RASA2: variants seen among roughly 807,000 people sequenced by gnomAD.
The protein encoded by RASA2 is ras GTPase-activating protein 2.
In RASA2, 155 loss-of-function variants were observed where a neutral mutation model predicts 118.2. That is an observed-to-expected ratio of 1.31 (90% CI 1.15 to 1.50). The LOEUF is 1.50. RASA2 is among the 40% of genes most tolerant of loss of function. The pLI, the probability that RASA2 is intolerant of heterozygous loss-of-function variation, is 0.00. For missense variants in RASA2, 1,016 were observed against 1,009.6 expected (o/e 1.01, Z -0.09); for synonymous variants, 353 against 349.1 (o/e 1.01, Z -0.12).
rs376347988 is a variant in RASA2 at position 141,542,917 on chromosome 3, A to G, written c.527+2308A>G. Among the ~76,000 whole-genome samples the G allele has an allele frequency of 1.2e-4, 18 of 152,282 alleles. 2 individuals are homozygous for G. The East Asian group carries it at 1.7e-3, about 15-fold the overall frequency. ...AGATTGGCTTTTTTTACTCAGATCT[A>G]TCTGAATGACTGTGTGTAGTTTTTT... On this transcript the variant is annotated intron_variant, in intron 5 of 23. Transcript: ENST00000286364.
intron 1 of RASA2, among the ~76,000 whole-genome samples, chr3:141,500,729 T>C (rs1174375141): frequency 6.6e-6 from 1 of 152,222 alleles, no homozygotes; most frequent in Non-Finnish European, 1.5e-5. Flanking sequence ...TATTCATACT[T>C]ACATGTATAT....
chr3:141,521,131 G>A (rs2151087976), intron 3 of RASA2, among the ~76,000 whole-genome samples: 1 of 152,324 alleles, frequency 6.6e-6, no homozygotes, highest in East Asian at 1.9e-4. Flanking sequence ...TTGGTTGACA[G>A]TTGGAAATAT....
At chr3:141,601,504 T>C (rs2083463657) in intron 19 of RASA2, among the ~76,000 whole-genome samples, 1 of 139,870 alleles carries the variant, frequency 7.1e-6, no homozygotes, top group Non-Finnish European at 1.7e-5. Flanking sequence ...TGGAAAAATA[T>C]CTTCGAAACC....
At chr3:141,528,467 A>G (rs1402272189) in intron 3 of RASA2, among the ~76,000 whole-genome samples, 1 of 152,036 alleles carries the variant, frequency 6.6e-6, no homozygotes. Context: ...GAATGTGAGT[A>G]GAAAATATGG....
At chr3:141,540,321 G>A (rs1340274151) in intron 4 of RASA2, among the ~76,000 whole-genome samples, 2 of 152,066 alleles carry the variant, frequency 1.3e-5, no homozygotes, top group South Asian at 2.1e-4. Context: ...TCTTAAATTT[G>A]AATACCATGT....
At chr3:141,557,394 A>G (rs1179098823) in intron 7 of RASA2, among the ~76,000 whole-genome samples, 1 of 152,198 alleles carries the variant, frequency 6.6e-6, no homozygotes, top group East Asian at 1.9e-4. Context: ...AGATTGAGGA[A>G]AGAGAGTATT....
intron 23 of RASA2, among the ~76,000 whole-genome samples, chr3:141,610,424 ATTATATATTTATAT>A (rs1338715071): frequency 2.8e-5 from 3 of 105,764 alleles, no homozygotes; most frequent in Non-Finnish European, 5.3e-5. Context: ...ATATTTATAT[ATTATATATTTATAT>A]TTATATATTA....
chr3:141,521,859 G>A (rs969983901), intron 3 of RASA2, among the ~76,000 whole-genome samples: 4 of 148,814 alleles, frequency 2.7e-5, no homozygotes, highest in Admixed American at 2.7e-4. Flanking sequence ...CATTTTTCTA[G>A]TTCAGTATCA....
chr3:141,571,124 T>C, intron 10 of RASA2, 56 bp downstream of exon 10: 1 of 1,498,026 alleles, frequency 6.7e-7, no homozygotes, highest in Non-Finnish European at 9.0e-7. Flanking sequence ...AATAATTCTA[T>C]AAATGATAAG....
intron 6 of RASA2, among the ~76,000 whole-genome samples, chr3:141,554,268 A>G (rs970619464): frequency 6.6e-6 from 1 of 152,172 alleles, no homozygotes; most frequent in African/African-American, 2.4e-5. Context: ...AAATATCCTG[A>G]ATTTTATGCA....
intron 4 of RASA2, among the ~76,000 whole-genome samples, chr3:141,534,910 G>A (rs1444833618): frequency 6.6e-6 from 1 of 152,036 alleles, no homozygotes; most frequent in Non-Finnish European, 1.5e-5. Context: ...TCTGATGGGC[G>A]ATTGTGTCCA....
intron 7 of RASA2, among the ~76,000 whole-genome samples, chr3:141,557,645 C>G (rs1030770903): frequency 2.6e-4 from 40 of 152,050 alleles, no homozygotes; most frequent in African/African-American, 9.4e-4. Flanking sequence ...TAACTATGAT[C>G]TGAGGTCCAG....
chr3:141,545,894 T>C (rs949011672), intron 5 of RASA2, among the ~76,000 whole-genome samples: 2 of 152,202 alleles, frequency 1.3e-5, no homozygotes, highest in Non-Finnish European at 2.9e-5. Context: ...TTTGTTCTAC[T>C]CTCTGTTATC....
chr3:141,574,068 G>A lies in RASA2; in HGVS notation c.1483+1G>A. On this transcript the variant is annotated splice_donor_variant, in intron 14 of 23. Coordinates refer to ENST00000286364, the MANE Select transcript of RASA2 (RefSeq NM_006506.5). LOFTEE classifies it high-confidence loss of function. ...CAGATGGCTACTCAGAGATTTCCTA[G>A]TAAGTGCCTTGTTTTACTAAAACAT... is the stretch of plus-strand genomic sequence containing the variant. The A allele has an allele frequency of 6.8e-7, 1 of 1,464,468 alleles. No individual in the cohort carries two copies. Among genetic ancestry groups the A allele is most frequent in the Non-Finnish European group, 9.1e-7 (1 of 1,098,804 alleles). 90.7% of individuals were successfully genotyped at this position (1,464,468 alleles called of 1,614,324 possible). A position where few individuals can be genotyped will look rare whatever the true frequency, so the allele number is the denominator to read the frequency against.
At chr3:141,537,356 CT>C (rs1245145377) in intron 4 of RASA2, among the ~76,000 whole-genome samples, 1 of 152,232 alleles carries the variant, frequency 6.6e-6, no homozygotes, top group Non-Finnish European at 1.5e-5. Flanking sequence ...TGTGGCTACT[CT>C]GCTACTAAAT....
chr3:141,601,287 C>T (rs2083458870), intron 19 of RASA2, among the ~76,000 whole-genome samples: 1 of 152,048 alleles, frequency 6.6e-6, no homozygotes, highest in South Asian at 2.1e-4. Context: ...ATTAGCTGTG[C>T]ATGGTGGCCC....
In RASA2 at chr3:141,529,704, G is replaced by A. The variant is rs1361023120; in HGVS notation, c.356-4G>A. 1.0e-5 allele frequency: 16 copies of A among 1,600,726 alleles called. No individual in the cohort carries two copies. The highest frequency in any genetic ancestry group is 1.3e-5 in the Non-Finnish European group (15 of 1,169,064). ...TCTTATATTGTTTTACTTATTTTCTGTAGGAAAAGTAGCCATCAAAAAAGA... is the reference window on the plus strand; with the variant it reads ...TCTTATATTGTTTTACTTATTTTCTATAGGAAAAGTAGCCATCAAAAAAGA... On this transcript the variant is annotated splice_region_variant and splice_polypyrimidine_tract_variant and intron_variant, in intron 3 of 23. Transcript: ENST00000286364.
chr3:141,537,409 TTTCA>T (rs566147575), intron 4 of RASA2, among the ~76,000 whole-genome samples: 282 of 152,352 alleles, frequency 1.9e-3, no homozygotes, highest in Non-Finnish European at 3.5e-3. Context: ...AACTTTTTTA[TTTCA>T]TTCATTTTAT....
chr3:141,577,108 T>G lies in RASA2; in HGVS notation c.1590+2T>G. On this transcript the variant is annotated splice_donor_variant, in intron 15 of 23. Transcript: ENST00000286364. LOFTEE classifies it high-confidence loss of function. ...TTTCATTTGCGACCTCATCATCCAG[T>G]AAGTGTTCATTCTTCTGAAAGCTTT... 3 of 1,563,704 alleles carry G rather than the reference T, an allele frequency of 1.9e-6. No individual in the cohort carries two copies. Among genetic ancestry groups the G allele is most frequent in the South Asian group, 2.3e-5 (2 of 86,878 alleles).
Sources: gnomAD v4.1 joint callset for allele counts (sites outside exome capture counted in the v4.1 genomes callset) on GRCh38, gnomAD v4.1.1 for gene constraint, MANE v1.5 for transcripts, NCBI Gene and HGNC (gene_info 2026-07-23, HGNC 2026-07-21) for gene names.